The following CNTNAP2 variants were observed in gnomAD, a reference collection of about 807,000 sequenced individuals.
CNTNAP2 encodes contactin-associated protein-like 2.
Under a neutral mutation model 155.2 loss-of-function variants are expected in CNTNAP2, and 98 were observed. The observed-to-expected ratio is 0.63, with a 90% CI of 0.54 to 0.75. CNTNAP2 has a LOEUF of 0.75. Ranked by LOEUF, CNTNAP2 falls within the 30% of genes least tolerant of loss-of-function variation. The pLI is 0.00. For synonymous variants in CNTNAP2, 651 were observed against 631.2 expected (o/e 1.03, Z -0.47); for missense variants, 1,727 against 1,688.1 (o/e 1.02, Z -0.40).
chr7:148,062,053 G>T lies in CNTNAP2; in HGVS notation c.2384-56065G>T, dbSNP rs1183095371. On this transcript the variant is annotated intron_variant, in intron 15 of 23. Transcript: ENST00000361727. ...AGTGTGTGTGTGTGTGTGTGTGTGT[G>T]TGTGTGTGTGTGTGTGTGTGTGTTT... Among the ~76,000 whole-genome samples the T allele has an allele frequency of 2.0e-5, 3 of 151,002 alleles. No individual in the cohort carries two copies. The East Asian group carries it at 5.8e-4, about 29-fold the overall frequency.
At chr7:147,318,642 C>T (rs1417331322) in intron 9 of CNTNAP2, among the ~76,000 whole-genome samples, 2 of 151,620 alleles carry the variant, frequency 1.3e-5, no homozygotes, top group East Asian at 1.9e-4. Context: ...GGGAGGGGAA[C>T]ATCACACACT....
chr7:147,243,345 T>A, intron 8 of CNTNAP2, among the ~76,000 whole-genome samples: 1 of 152,110 alleles, frequency 6.6e-6, no homozygotes, highest in East Asian at 1.9e-4. Flanking sequence ...GGTTATCTTA[T>A]CTAATTTTCT....
rs1916935 is a variant in CNTNAP2, at chr7:146,924,885, G to A, written c.402+84981G>A. ...CATAGAAGTTTCAACCCATAACACT[G>A]AAGGAAAATATTGGCATGCCAAGAA... On this transcript the variant is annotated intron_variant, in intron 3 of 23. Transcript: ENST00000361727. 3.4e-3 allele frequency among the ~76,000 whole-genome samples: 518 copies of A among 152,168 alleles called. 7 individuals carry two copies. Among genetic ancestry groups the A allele is most frequent in the African/African-American group, 0.011 (471 of 41,526 alleles).
intron 12 of CNTNAP2, among the ~76,000 whole-genome samples, chr7:147,608,596 C>T (rs1331932752): frequency 6.6e-6 from 1 of 152,118 alleles, no homozygotes; most frequent in African/African-American, 2.4e-5. Flanking sequence ...GCCACCACAC[C>T]TGGCCATCAA....
intron 13 of CNTNAP2, among the ~76,000 whole-genome samples, chr7:147,647,076 G>C (rs1409181416): frequency 1.3e-5 from 2 of 151,824 alleles, no homozygotes; most frequent in Non-Finnish European, 2.9e-5. Context: ...AGCCTCCTGG[G>C]TTCAAGTGAT....
chr7:147,661,490 G>A (rs1795607144), intron 13 of CNTNAP2, among the ~76,000 whole-genome samples: 3 of 151,866 alleles, frequency 2.0e-5, no homozygotes, highest in Non-Finnish European at 2.9e-5. Context: ...CAAGGCTTTG[G>A]AGAAAATTCC....
At chr7:147,179,753 AAT>A (rs1212011847) in intron 8 of CNTNAP2, among the ~76,000 whole-genome samples, 2 of 152,164 alleles carry the variant, frequency 1.3e-5, no homozygotes, top group South Asian at 4.1e-4. Context: ...GAGGGAGAGA[AAT>A]ATAGGAAAAC....
At chr7:146,213,029 G>A (rs1799059848) in intron 1 of CNTNAP2, among the ~76,000 whole-genome samples, 1 of 152,290 alleles carries the variant, frequency 6.6e-6, no homozygotes, top group South Asian at 2.1e-4. Context: ...CCATTGGACG[G>A]CTACTGTAGA....
chr7:146,955,994 T>G (rs1352882165), intron 3 of CNTNAP2, among the ~76,000 whole-genome samples: 1 of 151,004 alleles, frequency 6.6e-6, no homozygotes, highest in East Asian at 1.9e-4. Flanking sequence ...TATGTATACG[T>G]TTTTTTTCAT....
intron 1 of CNTNAP2, among the ~76,000 whole-genome samples, chr7:146,673,783 G>A (rs2642513): frequency 0.81 from 123,006 of 152,058 alleles, 50,366 homozygotes; most frequent in South Asian, 0.91. Flanking sequence ...AGGTCTTGCT[G>A]ATTTGCCCAG....
In CNTNAP2 at chr7:146,535,362, A is replaced by ATGAT. The variant is rs1179308157; in HGVS notation, c.98-238909_98-238908insTGAT. Among the ~76,000 whole-genome samples the ATGAT allele has an allele frequency of 4.1e-5, 2 of 48,878 alleles. 1 individual carries two copies. The highest frequency in any genetic ancestry group is 1.1e-3 in the South Asian group (2 of 1,752). 32.1% of individuals were successfully genotyped at this position (48,878 alleles called of 152,430 possible). On this transcript the variant is annotated intron_variant, in intron 1 of 23. Coordinates refer to ENST00000361727, the MANE Select transcript of CNTNAP2 (RefSeq NM_014141.6). ...ATGCATATTATATATGATATTATAT[A>ATGAT]ATGTATATTATATATGATATAATAT...
At chr7:146,708,807 C>G (rs905379190) in intron 1 of CNTNAP2, among the ~76,000 whole-genome samples, 2 of 151,634 alleles carry the variant, frequency 1.3e-5, no homozygotes, top group African/African-American at 4.8e-5. Context: ...AGGCTGGTCT[C>G]GAACTCCTGA....
chr7:147,338,302 T>C (rs1795699035), intron 9 of CNTNAP2, among the ~76,000 whole-genome samples: 1 of 151,374 alleles, frequency 6.6e-6, no homozygotes, highest in Non-Finnish European at 1.5e-5. Context: ...TTCAGCTACC[T>C]TGAAATTTTA....
At chr7:146,395,609 C>A (rs1014808606) in intron 1 of CNTNAP2, among the ~76,000 whole-genome samples, 1 of 152,016 alleles carries the variant, frequency 6.6e-6, no homozygotes, top group African/African-American at 2.4e-5. Context: ...TTACCTTCAG[C>A]ACTAATATTC....
chr7:147,244,246 G>T (rs901886869), intron 8 of CNTNAP2, among the ~76,000 whole-genome samples: 2 of 152,124 alleles, frequency 1.3e-5, no homozygotes, highest in African/African-American at 4.8e-5. Context: ...AGTGTGGAAG[G>T]GTTAAAGAAA....
At chr7:147,135,853 G>C (rs1801467249) in intron 8 of CNTNAP2, among the ~76,000 whole-genome samples, 1 of 149,948 alleles carries the variant, frequency 6.7e-6, no homozygotes, top group South Asian at 2.1e-4. Context: ...ACACCGACCT[G>C]ACCTGCATTC....
intron 18 of CNTNAP2, among the ~76,000 whole-genome samples, chr7:148,209,562 A>G (rs893893138): frequency 6.6e-6 from 1 of 151,592 alleles, no homozygotes; most frequent in African/African-American, 2.4e-5. Flanking sequence ...TCTTTCCTTC[A>G]CCTTTTTAAT....
At chr7:147,531,698 C>A (rs1352077480) in intron 11 of CNTNAP2, among the ~76,000 whole-genome samples, 1 of 151,052 alleles carries the variant, frequency 6.6e-6, no homozygotes, top group African/African-American at 2.4e-5. Context: ...TTGACATGAC[C>A]TGGAGACATT....
intron 1 of CNTNAP2, among the ~76,000 whole-genome samples, chr7:146,370,551 A>G (rs1399653222): frequency 6.6e-6 from 1 of 152,138 alleles, no homozygotes; most frequent in Non-Finnish European, 1.5e-5. Flanking sequence ...ACTTTGTATC[A>G]TTTGTTTGTC....
Sources: gnomAD v4.1 joint callset for allele counts (sites outside exome capture counted in the v4.1 genomes callset) on GRCh38, gnomAD v4.1.1 for gene constraint, MANE v1.5 for transcripts, NCBI Gene and HGNC (gene_info 2026-07-23, HGNC 2026-07-21) for gene names.